C8orf34: variants seen among roughly 807,000 people sequenced by gnomAD.
C8orf34 encodes the protein uncharacterized protein C8orf34.
In C8orf34, 65 loss-of-function variants were observed where a neutral mutation model predicts 68.3. The observed-to-expected ratio is 0.95, with a 90% CI of 0.78 to 1.17. The LOEUF is 1.17. Among genes scored for constraint, C8orf34 ranks in the 50% most tolerant of loss-of-function variants. The probability of loss-of-function intolerance (pLI) is 0.00; values close to 1 mark genes in which losing one functional copy is unlikely to be tolerated. For synonymous variants in C8orf34, 244 were observed against 241.2 expected (o/e 1.01, Z -0.11); for missense variants, 664 against 655.4 (o/e 1.01, Z -0.14).
intron 7 of C8orf34, among the ~76,000 whole-genome samples, chr8:68,550,321 T>C (rs1816023238): frequency 6.6e-6 from 1 of 151,800 alleles, no homozygotes; most frequent in Non-Finnish European, 1.5e-5. Flanking sequence ...TCCAAGTCCA[T>C]GTTTAAATTA....
intron 7 of C8orf34, among the ~76,000 whole-genome samples, chr8:68,560,261 AAGG>A (rs1351604224): frequency 1.5e-4 from 23 of 150,190 alleles, no homozygotes; most frequent in Admixed American, 1.4e-3. Context: ...GTAGGGAAAG[AAGG>A]AGGAGTTTTC....
chr8:68,682,666 C>T (rs1820404566), intron 8 of C8orf34, among the ~76,000 whole-genome samples: 1 of 152,068 alleles, frequency 6.6e-6, no homozygotes, highest in Non-Finnish European at 1.5e-5. Context: ...ATTCCTGTCT[C>T]CTAAAGTTAT....
chr8:68,559,584 G>T (rs1816358054), intron 7 of C8orf34, among the ~76,000 whole-genome samples: 1 of 152,092 alleles, frequency 6.6e-6, no homozygotes, highest in Admixed American at 6.6e-5. Context: ...ATTTTCTTTT[G>T]TTGTCATAAG....
At chr8:68,572,682 AC>A (rs1816792091) in intron 7 of C8orf34, among the ~76,000 whole-genome samples, 1 of 151,842 alleles carries the variant, frequency 6.6e-6, no homozygotes, top group African/African-American at 2.4e-5. Context: ...AATGTATTTT[AC>A]TCCTATTTGC....
intron 3 of C8orf34, among the ~76,000 whole-genome samples, chr8:68,461,514 G>C (rs1331373815): frequency 6.6e-6 from 1 of 152,212 alleles, no homozygotes; most frequent in Middle Eastern, 3.4e-3. Flanking sequence ...TTGAAATGAA[G>C]GAAAAAATGT....
intron 4 of C8orf34, among the ~76,000 whole-genome samples, chr8:68,483,071 C>T (rs1199357606): frequency 6.6e-6 from 1 of 152,042 alleles, no homozygotes; most frequent in Admixed American, 6.6e-5. Flanking sequence ...AAATGAATTA[C>T]ACTAAGGTAT....
chr8:68,748,350 C>A (rs1213933454), intron 10 of C8orf34, among the ~76,000 whole-genome samples: 1 of 147,264 alleles, frequency 6.8e-6, no homozygotes, highest in Non-Finnish European at 1.5e-5. Flanking sequence ...TCTAAAACAC[C>A]AAAAGCAATG....
chr8:68,451,741 A>G (rs989283589), intron 3 of C8orf34, among the ~76,000 whole-genome samples: 3 of 152,082 alleles, frequency 2.0e-5, no homozygotes, highest in African/African-American at 7.2e-5. Context: ...CACAGATATA[A>G]TAATAATGGA....
At chr8:68,508,440 G>A (rs1354730477) in intron 5 of C8orf34, among the ~76,000 whole-genome samples, 3 of 152,074 alleles carry the variant, frequency 2.0e-5, no homozygotes, top group Non-Finnish European at 4.4e-5. Flanking sequence ...GCTTTTATTA[G>A]TCAACACTCT....
chr8:68,592,812 T>G (rs113075120), intron 7 of C8orf34, among the ~76,000 whole-genome samples: 130 of 152,206 alleles, frequency 8.5e-4, no homozygotes, highest in Non-Finnish European at 1.4e-3. Context: ...TTTCACCATG[T>G]TGGTCAGGCT....
At chr8:68,625,194 G>A (rs1026664022) in intron 7 of C8orf34, among the ~76,000 whole-genome samples, 4 of 152,112 alleles carry the variant, frequency 2.6e-5, no homozygotes, top group Admixed American at 2.0e-4. Flanking sequence ...TGAGAAGGGA[G>A]CAAGTACAAG....
At chr8:68,487,406 AT>A (rs1813123927) in intron 4 of C8orf34, among the ~76,000 whole-genome samples, 1 of 152,220 alleles carries the variant, frequency 6.6e-6, no homozygotes, top group South Asian at 2.1e-4. Context: ...ACTTAGAATA[AT>A]TTTGGAGAAA....
chr8:68,552,703 A>AT (rs1197075325), intron 7 of C8orf34, among the ~76,000 whole-genome samples: 5 of 151,976 alleles, frequency 3.3e-5, no homozygotes, highest in Admixed American at 1.3e-4. Context: ...TTGGCTGTGG[A>AT]TTTTTTGTAG....
At chr8:68,700,538 A>G (rs1384345266) in intron 8 of C8orf34, among the ~76,000 whole-genome samples, 1 of 152,144 alleles carries the variant, frequency 6.6e-6, no homozygotes. Flanking sequence ...GGGAATTCAG[A>G]TAGACAGCAT....
intron 4 of C8orf34, among the ~76,000 whole-genome samples, chr8:68,483,439 G>A (rs768568838): frequency 9.9e-5 from 15 of 152,210 alleles, no homozygotes; most frequent in Admixed American, 5.2e-4. Flanking sequence ...TCCCTGCACC[G>A]TTATCTTCCA....
chr8:68,383,148 C>G (rs905119604), intron 1 of C8orf34, among the ~76,000 whole-genome samples: 5 of 152,168 alleles, frequency 3.3e-5, no homozygotes, highest in African/African-American at 4.8e-5. Context: ...CCAGCACACA[C>G]TTGAGAGTGA....
At position 68,700,189 on chromosome 8, in the gene C8orf34, T is replaced by C. The variant is rs569567947; in HGVS notation, c.1242-8805T>C. Among the ~76,000 whole-genome samples, 107 of 152,038 alleles carry C rather than the reference T, an allele frequency of 7.0e-4. 1 individual carries two copies. Among genetic ancestry groups the C allele is most frequent in the African/African-American group, 2.5e-3 (104 of 41,480 alleles). ...CAAACAAAAAAACTAGAAAAGAATA[T>C]ACTAAAATAAGAAAGGAAATCTAGG... On this transcript the variant is annotated intron_variant, in intron 8 of 13. Transcript: ENST00000518698.
intron 7 of C8orf34, among the ~76,000 whole-genome samples, chr8:68,629,388 A>C (rs1271991321): frequency 6.6e-6 from 1 of 152,170 alleles, no homozygotes; most frequent in Non-Finnish European, 1.5e-5. Flanking sequence ...ACTACACCCT[A>C]CTGAATCTTC....
In C8orf34 at chr8:68,458,700, T is replaced by C. The variant is rs1238843455; in HGVS notation, c.608-9992T>C. ...CCTAGGTTCCTCCATAGGCTTCCCC[T>C]GGGGAATGGTCTGTGAGGTAGCGGT... On this transcript the variant is annotated intron_variant, in intron 3 of 13. Coordinates refer to ENST00000518698, the MANE Select transcript of C8orf34 (RefSeq NM_052958.4). Among the ~76,000 whole-genome samples, 6 of 152,264 alleles carry C rather than the reference T, an allele frequency of 3.9e-5. No individual in the cohort carries two copies. The East Asian group carries it at 1.2e-3, about 29-fold the overall frequency.
Sources: allele counts gnomAD v4.1 joint callset (sites outside exome capture counted in the v4.1 genomes callset), GRCh38; gene constraint gnomAD v4.1.1; transcripts MANE v1.5; gene names NCBI Gene and HGNC (gene_info 2026-07-23, HGNC 2026-07-21).